The following DIP2B variants were observed in gnomAD, a reference collection of about 807,000 sequenced individuals.
The protein encoded by DIP2B is DIP2 acetate--CoA ligase B (putative).
Under a neutral mutation model 198.0 loss-of-function variants are expected in DIP2B, and 76 were observed. The observed-to-expected ratio is 0.38, with a 90% CI of 0.32 to 0.46. DIP2B has a LOEUF of 0.46. DIP2B is among the 20% of genes least tolerant of loss of function. The probability of loss-of-function intolerance (pLI) is 0.99; values close to 1 mark genes in which losing one functional copy is unlikely to be tolerated. For missense variants in DIP2B, 1,559 were observed against 1,978.4 expected (o/e 0.79, Z 4.02); for synonymous variants, 701 against 739.1 (o/e 0.95, Z 0.84).
chr12:50,739,252 A>T (rs1366678212), intron 35 of DIP2B, among the ~76,000 whole-genome samples, 157 bp from the exon 36 acceptor site: 1 of 152,264 alleles, frequency 6.6e-6, no homozygotes, highest in Non-Finnish European at 1.5e-5. Flanking sequence ...GATTAGGTAC[A>T]TGATGAGCAC....
intron 1 of DIP2B, among the ~76,000 whole-genome samples, chr12:50,546,493 TTA>T (rs1384276560): frequency 2.0e-5 from 3 of 152,220 alleles, no homozygotes; most frequent in Non-Finnish European, 4.4e-5. Context: ...TTCCACATAT[TTA>T]CCTTCTGTAA....
intron 1 of DIP2B, among the ~76,000 whole-genome samples, chr12:50,593,707 CCTCCTCTCCTCTCCT>C (rs1565836987): frequency 3.6e-5 from 1 of 27,402 alleles, no homozygotes; most frequent in African/African-American, 2.0e-4. Flanking sequence ...TCTCCTCTCC[CCTCCTCTCCTCTCCT>C]CTCCTCTCCT....
chr12:50,563,079 A>G (rs1205561824), intron 1 of DIP2B, among the ~76,000 whole-genome samples: 5 of 152,172 alleles, frequency 3.3e-5, no homozygotes, highest in Non-Finnish European at 5.9e-5. Context: ...CATGGAACCA[A>G]CAGAAGACCT....
rs76428634 is a variant in DIP2B, at chr12:50,711,169, A to G, written c.2649+2607A>G. ...ACTTGGGTTCCAATTTGGGCATGAG[A>G]TAACAGGCCATTCTTTTCGCAGTCT... On this transcript the variant is annotated intron_variant, in intron 22 of 37. Coordinates refer to ENST00000301180, the MANE Select transcript of DIP2B (RefSeq NM_173602.3). 3.3e-3 allele frequency among the ~76,000 whole-genome samples: 498 copies of G among 152,354 alleles called. 12 individuals are homozygous for G. The highest frequency in any genetic ancestry group is 0.031 in the East Asian group (159 of 5,188).
intron 28 of DIP2B, among the ~76,000 whole-genome samples, chr12:50,725,458 T>G (rs1237669055): frequency 3.3e-5 from 5 of 152,108 alleles, no homozygotes. Context: ...AAGAAGGGGA[T>G]AAGATAAGGG....
At chr12:50,680,643 A>T (rs1939024945) in intron 8 of DIP2B, 29 bp from the exon 9 acceptor site, 2 of 1,595,696 alleles carry the variant, frequency 1.3e-6, no homozygotes, top group South Asian at 2.3e-5. Flanking sequence ...TTTCTATATG[A>T]CTGTTGTTTT....
In DIP2B at chr12:50,614,044, T is replaced by C. The variant is rs528147606; in HGVS notation, c.101-11932T>C. ...CTTTGACTCTAGCCTTCTGTAATAC[T>C]ACCCCATATCTCTTTCCCTTTTTAA... is the stretch of plus-strand genomic sequence containing the variant. On this transcript the variant is annotated intron_variant, in intron 1 of 37. Coordinates refer to ENST00000301180, the MANE Select transcript of DIP2B (RefSeq NM_173602.3). Among the ~76,000 whole-genome samples, 7 of 152,334 alleles carry C rather than the reference T, an allele frequency of 4.6e-5. No individual in the cohort carries two copies. The East Asian group carries it at 7.7e-4, about 17-fold the overall frequency.
At chr12:50,571,465 AC>A (rs1448807475) in intron 1 of DIP2B, among the ~76,000 whole-genome samples, 3 of 140,832 alleles carry the variant, frequency 2.1e-5, no homozygotes, top group African/African-American at 8.1e-5. Context: ...GAGCCACCAC[AC>A]CCCGCCTATT....
chr12:50,614,184 G>A (rs1937653594), intron 1 of DIP2B, among the ~76,000 whole-genome samples: 1 of 151,866 alleles, frequency 6.6e-6, no homozygotes, highest in South Asian at 2.1e-4. Flanking sequence ...TTCTTAACTG[G>A]GCTACTGATG....
chr12:50,585,758 C>T (rs750083258), intron 1 of DIP2B, among the ~76,000 whole-genome samples: 1 of 152,184 alleles, frequency 6.6e-6, no homozygotes, highest in African/African-American at 2.4e-5. Context: ...TTAAAAGGAT[C>T]ACTCTGTTAT....
chr12:50,727,125 G>GA (rs1939951667), intron 28 of DIP2B, among the ~76,000 whole-genome samples: 1 of 151,998 alleles, frequency 6.6e-6, no homozygotes, highest in Non-Finnish European at 1.5e-5. Context: ...CTCAAAAAAA[G>GA]AAAAAATCTG....
At chr12:50,577,512 C>T (rs1294324337) in intron 1 of DIP2B, among the ~76,000 whole-genome samples, 1 of 151,208 alleles carries the variant, frequency 6.6e-6, no homozygotes, top group Non-Finnish European at 1.5e-5. Flanking sequence ...CCAACCTGGG[C>T]AACAGAGCGA....
At chr12:50,679,086 G>C (rs1342921829) in intron 8 of DIP2B, 1 of 580,624 alleles carries the variant, frequency 1.7e-6, no homozygotes. Context: ...ATATTTAAAA[G>C]ACAGCAAAAA....
At chr12:50,593,997 A>T (rs899881645) in intron 1 of DIP2B, among the ~76,000 whole-genome samples, 1 of 144,196 alleles carries the variant, frequency 6.9e-6, no homozygotes, top group East Asian at 2.1e-4. Flanking sequence ...CTGGAATGCA[A>T]TGGCGCCATC....
intron 37 of DIP2B, chr12:50,743,499 C>A (rs1407371004): frequency 6.6e-6 from 1 of 152,166 alleles, no homozygotes; most frequent in Admixed American, 6.5e-5. Context: ...GAGACACTTG[C>A]GTGGGGCACT....
chr12:50,697,843 T>C (rs1184091263), intron 17 of DIP2B, among the ~76,000 whole-genome samples: 1 of 151,928 alleles, frequency 6.6e-6, no homozygotes, highest in Non-Finnish European at 1.5e-5. Flanking sequence ...TACGCAATAC[T>C]TGATGATGAT....
intron 3 of DIP2B, among the ~76,000 whole-genome samples, chr12:50,650,681 A>G (rs1245703511): frequency 6.6e-6 from 1 of 152,176 alleles, no homozygotes; most frequent in Non-Finnish European, 1.5e-5. Context: ...TTGTATGTAT[A>G]TACCATGTTT....
intron 13 of DIP2B, 141 bp from the exon 14 acceptor site, chr12:50,692,808 G>A (rs1939244292): frequency 7.2e-6 from 5 of 695,420 alleles, no homozygotes; most frequent in African/African-American, 1.8e-5. Flanking sequence ...CTGCACTCCA[G>A]CCTGGGTGAC....
intron 33 of DIP2B, 51 bp from the exon 34 acceptor site, chr12:50,735,022 C>G (rs370402809): frequency 6.2e-7 from 1 of 1,605,034 alleles, no homozygotes; most frequent in South Asian, 1.1e-5. Context: ...AGGAACATGG[C>G]GACTTCTCCT....
Sources: allele counts gnomAD v4.1 joint callset (sites outside exome capture counted in the v4.1 genomes callset), GRCh38; gene constraint gnomAD v4.1.1; transcripts MANE v1.5; gene names NCBI Gene and HGNC (gene_info 2026-07-23, HGNC 2026-07-21).